LCORL: variants seen among roughly 807,000 people sequenced by gnomAD.
The protein encoded by LCORL is ligand dependent nuclear receptor corepressor like.
A neutral mutation model predicts 141.8 loss-of-function variants in LCORL; 41 were observed. The ratio of observed to expected loss-of-function variants is 0.29; its 90% CI spans 0.23 to 0.38. The LOEUF is 0.38. LCORL is among the 10% of genes least tolerant of loss of function. LCORL has a pLI of 1.00. For missense variants in LCORL, 1,759 were observed against 2,035.0 expected, an observed-to-expected ratio of 0.86 and a Z score of 2.61; for synonymous variants, 618 against 694.1, an observed-to-expected ratio of 0.89 and a Z score of 1.72.
At chr4:17,898,652 G>GTTTTTTTTTTTTTT (rs34770223) in intron 5 of LCORL, among the ~76,000 whole-genome samples, 17 of 119,264 alleles carry the variant, frequency 1.4e-4, no homozygotes, top group African/African-American at 3.4e-4. Flanking sequence ...CATTCTCACC[G>GTTTTTTTTTTTTTT]TTTTTTTTTT....
intron 1 of LCORL, among the ~76,000 whole-genome samples, chr4:18,014,153 T>C (rs756769525): frequency 1.1e-4 from 16 of 151,850 alleles, no homozygotes; most frequent in Non-Finnish European, 2.2e-4. Context: ...GTAGAAGATA[T>C]AAAAAGATAC....
intron 4 of LCORL, chr4:17,911,955 C>G: frequency 1.7e-6 from 1 of 596,194 alleles, no homozygotes; most frequent in Non-Finnish European, 3.2e-6. Context: ...CCATGCAAAG[C>G]CTGAATGACT....
intron 5 of LCORL, among the ~76,000 whole-genome samples, chr4:17,899,028 A>G (rs1730442962): frequency 6.6e-6 from 1 of 152,220 alleles, no homozygotes; most frequent in South Asian, 2.1e-4. Context: ...TGTGAATCAC[A>G]TGAGTATGGT....
intron 1 of LCORL, among the ~76,000 whole-genome samples, chr4:17,995,672 A>G (rs1251679814): frequency 2.0e-5 from 3 of 152,182 alleles, no homozygotes; most frequent in African/African-American, 7.2e-5. Flanking sequence ...GCTTAAACAC[A>G]ACTGATTTGA....
rs923681071 is a variant in LCORL, at chr4:17,897,217, T to C, written c.683-11056A>G. Reference sequence around the variant, plus strand: ...TTCTCTTTGATATACTGATTTCTTTTTTTTTTTTTTTTTTTTTTTTTTTTT... The same window carrying C: ...TTCTCTTTGATATACTGATTTCTTTCTTTTTTTTTTTTTTTTTTTTTTTTT... On this transcript the variant is annotated intron_variant, in intron 5 of 7. Transcript: ENST00000635767. Among the ~76,000 whole-genome samples, 638 of 89,540 alleles carry C rather than the reference T, an allele frequency of 7.1e-3. 101 individuals carry two copies. The highest frequency in any genetic ancestry group is 0.025 in the African/African-American group (318 of 12,758). 58.7% of individuals were successfully genotyped at this position (89,540 alleles called of 152,430 possible). A position where few individuals can be genotyped will look rare whatever the true frequency, so the allele number is the denominator to read the frequency against.
chr4:17,947,706 T>A (rs1219465833), intron 4 of LCORL, among the ~76,000 whole-genome samples: 1 of 151,968 alleles, frequency 6.6e-6, no homozygotes, highest in Non-Finnish European at 1.5e-5. Context: ...GAACATTTTT[T>A]AAAAAGACCA....
chr4:17,927,073 C>T (rs1735265492), intron 4 of LCORL, among the ~76,000 whole-genome samples: 1 of 152,224 alleles, frequency 6.6e-6, no homozygotes, highest in Admixed American at 6.5e-5. Flanking sequence ...GGTACAGCCA[C>T]CTTCATCAAA....
intron 1 of LCORL, among the ~76,000 whole-genome samples, chr4:17,995,173 G>A (rs1720699186): frequency 6.8e-6 from 1 of 147,458 alleles, no homozygotes. Flanking sequence ...AATTTATTTA[G>A]TTTCAGGGTA....
At chr4:17,842,201 T>TGAAAG (rs1722478021) in exon 8 of LCORL, 2 of 889,946 alleles carry the variant, frequency 2.2e-6, no homozygotes, top group Non-Finnish European at 3.6e-6. Flanking sequence ...ATACATGTGT[T>TGAAAG]GAAAGGATTG....
chr4:17,956,762 T>G (rs1489914333), intron 4 of LCORL, among the ~76,000 whole-genome samples: 1 of 152,058 alleles, frequency 6.6e-6, no homozygotes, highest in Non-Finnish European at 1.5e-5. Context: ...AACAATATAT[T>G]GTATTTTTCA....
At chr4:18,015,653 C>T (rs1724519367) in intron 1 of LCORL, among the ~76,000 whole-genome samples, 1 of 151,564 alleles carries the variant, frequency 6.6e-6, no homozygotes, top group Non-Finnish European at 1.5e-5. Context: ...CAGACCCATC[C>T]ATACCAGTCC....
chr4:17,881,013 G>C, intron 6 of LCORL: 1 of 982,496 alleles, frequency 1.0e-6, no homozygotes, highest in Non-Finnish European at 1.2e-6. Flanking sequence ...ACAAGTATTT[G>C]TACTGTAAAC....
At chr4:18,003,351 T>C (rs1722276369) in intron 1 of LCORL, among the ~76,000 whole-genome samples, 1 of 152,198 alleles carries the variant, frequency 6.6e-6, no homozygotes, top group Admixed American at 6.5e-5. Context: ...GTTTAAGATA[T>C]ATTTGAAAAC....
intron 4 of LCORL, among the ~76,000 whole-genome samples, chr4:17,953,127 T>TAA (rs1335540745): frequency 2.6e-5 from 4 of 152,234 alleles, no homozygotes; most frequent in African/African-American, 9.6e-5. Flanking sequence ...GCACCACATT[T>TAA]TCTTTATCCA....
chr4:17,998,985 A>AAAAAAAAAAAAAATATAT (rs1374815646), intron 1 of LCORL, among the ~76,000 whole-genome samples: 3 of 57,892 alleles, frequency 5.2e-5, no homozygotes, highest in Non-Finnish European at 6.6e-5. Context: ...AAAAAAAAAA[A>AAAAAAAAAAAAAATATAT]ATATATATAT....
intron 4 of LCORL, among the ~76,000 whole-genome samples, chr4:17,909,955 C>G (rs1274579495): frequency 1.3e-5 from 2 of 152,188 alleles, no homozygotes; most frequent in Non-Finnish European, 2.9e-5. Context: ...CACTAGTCTG[C>G]CAAATTAGCT....
At chr4:18,016,633 A>C (rs984518630) in intron 1 of LCORL, among the ~76,000 whole-genome samples, 3 of 152,184 alleles carry the variant, frequency 2.0e-5, no homozygotes, top group Non-Finnish European at 4.4e-5. Flanking sequence ...TGAAGACTTA[A>C]TATTTTTGAA....
exon 7 of LCORL, chr4:17,874,957 C>T (rs1726757473): frequency 1.8e-5 from 22 of 1,233,658 alleles, no homozygotes; most frequent in African/African-American, 3.1e-5. Context: ...CTAGAAGATG[C>T]TAATGAATGT....
At chr4:17,849,302 C>T (rs1414993063) in intron 7 of LCORL, among the ~76,000 whole-genome samples, 2 of 152,164 alleles carry the variant, frequency 1.3e-5, no homozygotes, top group African/African-American at 2.4e-5. Context: ...ACACCTCACA[C>T]GGCCGGGTAC....
Sources: allele counts gnomAD v4.1 joint callset (sites outside exome capture counted in the v4.1 genomes callset), GRCh38; gene constraint gnomAD v4.1.1; transcripts MANE v1.5; gene names NCBI Gene and HGNC (gene_info 2026-07-23, HGNC 2026-07-21).